Variants in CHRM1 observed in about 807,000 individuals in gnomAD.
CHRM1 encodes the protein cholinergic receptor muscarinic 1.
Under a neutral mutation model 31.6 loss-of-function variants are expected in CHRM1, and 5 were observed. The ratio of observed to expected loss-of-function variants is 0.16; its 90% confidence interval spans 0.08 to 0.33. CHRM1 has a LOEUF of 0.33. CHRM1 is among the 10% of genes least tolerant of loss of function. The pLI is 1.00. For synonymous variants in CHRM1, 227 were observed against 249.7 expected (o/e 0.91, Z 0.86); for missense variants, 338 against 610.3 (o/e 0.55, Z 4.70).
At position 62,920,052 on chromosome 11, in the gene CHRM1, C is replaced by T. The variant is rs549440175; in HGVS notation, c.-79+1166G>A. On this transcript the variant is annotated intron_variant, in intron 1 of 1. Transcript: ENST00000306960. ...TCTTCTGCAGCCCATTTCACTATCT[C>T]CTTCCCTTTCATATCTCAGCCGCGA... Among the ~76,000 whole-genome samples, 3 of 152,350 alleles carry T rather than the reference C, an allele frequency of 2.0e-5. No individual in the cohort carries two copies. In the East Asian group the frequency reaches 5.8e-4, roughly 29 times the overall value.
At chr11:62,917,162 G>A (rs759544116) in intron 1 of CHRM1, among the ~76,000 whole-genome samples, 3 of 152,216 alleles carry the variant, frequency 2.0e-5, no homozygotes, top group Non-Finnish European at 4.4e-5. Context: ...CCTGTCCAAG[G>A]TTCCTGTGGG....
At chr11:62,917,025 G>A (rs2085904053) in intron 1 of CHRM1, 1 of 152,398 alleles carries the variant, frequency 6.6e-6, no homozygotes. Flanking sequence ...AGAAGCAGAG[G>A]TCCTCACCCC....
Position 62,910,432 on chromosome 11 carries a change from T to A in CHRM1, c.669A>T (p.Ala223=). 6.2e-7 allele frequency: 1 copy of A among 1,613,496 alleles called. No individual in the cohort carries two copies. Among genetic ancestry groups the A allele is most frequent in the South Asian group, 1.1e-5 (1 of 91,082 alleles). Residue 223 remains alanine, a synonymous_variant, in exon 2 of 2, where the codon GCA becomes GCT. Coordinates refer to ENST00000306960, the MANE Select transcript of CHRM1 (RefSeq NM_000738.3). This position sits in a 1 kb window ranked among gnomAD's most constrained non-coding sequence, Gnocchi z 8.7. ...CTGGCGTCTCGGAGCCCTGAAGGGCTGCCAGCTCCCGTGCTCGGTTCTCTG... is the reference window on the plus strand; with the variant it reads ...CTGGCGTCTCGGAGCCCTGAAGGGCAGCCAGCTCCCGTGCTCGGTTCTCTG... ...RETENRAREL[A]ALQGSETPGK...
chr11:62,918,461 C>T (rs1034538056), intron 1 of CHRM1: 1 of 152,256 alleles, frequency 6.6e-6, no homozygotes, highest in Non-Finnish European at 1.5e-5. Flanking sequence ...CCTCTTCTCC[C>T]TTGAGCTCCC....
In CHRM1 at chr11:62,910,489, C is replaced by T; in HGVS notation, c.612G>A (p.Met204Ile). 2 of 1,614,184 alleles carry T rather than the reference C, an allele frequency of 1.2e-6. No individual in the cohort carries two copies. The highest frequency in any genetic ancestry group is 1.7e-6 in the Non-Finnish European group (2 of 1,180,040). ...MAAFYLPVTV[M>I]CTLYWRIYRE... ...GGTAGATGCGCCAGTAGAGCGTGCACATGACTGTGACAGGGAGGTAGAAGG... is the reference window on the plus strand; with the variant it reads ...GGTAGATGCGCCAGTAGAGCGTGCATATGACTGTGACAGGGAGGTAGAAGG... Residue 204 changes from methionine to isoleucine, a missense_variant, in exon 2 of 2, where the codon ATG becomes ATA. This residue lies in a region of CHRM1 where 183 missense variants were observed against 223.4 expected (regional missense o/e 0.82). Transcript: ENST00000306960. The surrounding 1 kb of genome is among the most constrained non-coding windows in gnomAD (Gnocchi z 8.7).
intron 1 of CHRM1, among the ~76,000 whole-genome samples, chr11:62,914,035 G>A (rs1435331130): frequency 2.6e-5 from 4 of 151,488 alleles, no homozygotes; most frequent in African/African-American, 7.3e-5. Flanking sequence ...CTCCGCCTCC[G>A]GGTTCACACC....
Position 62,909,625 on chromosome 11 carries a change from G to T in CHRM1, c.*93C>A. The T allele has an allele frequency of 1.3e-6, 2 of 1,485,764 alleles. No homozygotes were observed. Among genetic ancestry groups the T allele is most frequent in the South Asian group, 1.3e-5 (1 of 77,904 alleles). 92.0% of individuals were successfully genotyped at this position (1,485,764 alleles called of 1,614,324 possible). ...GGTCCTGGGAAGCCAGGTGAGGCCT[G>T]AGCAGGGCCCTGGGGCTGAGGATGC... is the stretch of plus-strand genomic sequence containing the variant. On this transcript the variant is annotated 3_prime_UTR_variant, in exon 2 of 2. Transcript: ENST00000306960.
chr11:62,916,981 A>G (rs2085903913), intron 1 of CHRM1: 1 of 152,208 alleles, frequency 6.6e-6, no homozygotes, highest in Admixed American at 6.5e-5. Context: ...ACAAGAACAG[A>G]CCCATCAATG....
At chr11:62,916,659 A>G (rs1452655700) in intron 1 of CHRM1, among the ~76,000 whole-genome samples, 1 of 152,160 alleles carries the variant, frequency 6.6e-6, no homozygotes, top group Non-Finnish European at 1.5e-5. Flanking sequence ...TCCCTTAATC[A>G]CAGGACACCT....
At chr11:62,920,250 G>T (rs915733659) in intron 1 of CHRM1, among the ~76,000 whole-genome samples, 1 of 152,184 alleles carries the variant, frequency 6.6e-6, no homozygotes, top group Non-Finnish European at 1.5e-5. Context: ...GGAGCTGCAG[G>T]TGTGTTTTGT....
intron 1 of CHRM1, among the ~76,000 whole-genome samples, chr11:62,914,111 A>C (rs1340991953): frequency 6.6e-6 from 1 of 151,838 alleles, no homozygotes; most frequent in Admixed American, 6.6e-5. Flanking sequence ...CGCCCGGCTA[A>C]ATTTTTGTAT....
In CHRM1 at chr11:62,911,143, G is replaced by A; in HGVS notation, c.-43C>T. On this transcript the variant is annotated 5_prime_UTR_variant, in exon 2 of 2. Coordinates refer to ENST00000306960, the MANE Select transcript of CHRM1 (RefSeq NM_000738.3). ...GGGGTTGGAGAGCCCCTTCCTCCAGGCACGCTACAGGGCTTCCTCAGGGGA... is the reference window on the plus strand; with the variant it reads ...GGGGTTGGAGAGCCCCTTCCTCCAGACACGCTACAGGGCTTCCTCAGGGGA... The A allele has an allele frequency of 1.3e-6, 2 of 1,582,562 alleles. No homozygotes were observed. Among genetic ancestry groups the A allele is most frequent in the Non-Finnish European group, 1.7e-6 (2 of 1,159,936 alleles).
At position 62,910,292 on chromosome 11, in the gene CHRM1, T is replaced by G. The variant is rs2085862579; in HGVS notation, c.809A>C (p.Gln270Pro). The G allele has an allele frequency of 6.2e-7, 1 of 1,612,818 alleles. No homozygotes were observed. ...CRCCRAPRLL[Q>P]AYSWKEEEEE... is the part of the protein sequence containing the mutation. ...CTCTTCTTCCTTCCAGCTGTAGGCC[T>G]GCAGCAGCCTGGGGGCCCGGCAGCA... Residue 270 changes from glutamine to proline, a missense_variant, in exon 2 of 2, where the codon CAG (glutamine) becomes CCG (proline). Transcript: ENST00000306960. This position sits in a 1 kb window ranked among gnomAD's most constrained non-coding sequence, Gnocchi z 8.7.
intron 1 of CHRM1, among the ~76,000 whole-genome samples, chr11:62,918,841 G>C (rs1056171363): frequency 4.6e-5 from 7 of 152,170 alleles, no homozygotes; most frequent in African/African-American, 1.7e-4. Flanking sequence ...GAAATGGGGA[G>C]AGGGATTCCT....
chr11:62,912,723 G>A (rs1343198073), intron 1 of CHRM1, among the ~76,000 whole-genome samples: 3 of 152,340 alleles, frequency 2.0e-5, no homozygotes, highest in South Asian at 2.1e-4. Context: ...GGGGCTTGCT[G>A]CCATGTGATT....
chr11:62,912,010 A>G (rs2085873641), intron 1 of CHRM1, among the ~76,000 whole-genome samples: 1 of 152,076 alleles, frequency 6.6e-6, no homozygotes, highest in African/African-American at 2.4e-5. Flanking sequence ...TTGGGGCTGA[A>G]TTGAATTCTC....
intron 1 of CHRM1, among the ~76,000 whole-genome samples, chr11:62,912,639 T>G (rs2085877969): frequency 6.6e-6 from 1 of 152,214 alleles, no homozygotes; most frequent in African/African-American, 2.4e-5. Flanking sequence ...CTTAACAACC[T>G]GCTGGCTGGG....
intron 1 of CHRM1, among the ~76,000 whole-genome samples, chr11:62,916,192 G>C (rs1590651757): frequency 6.6e-6 from 1 of 152,116 alleles, no homozygotes; most frequent in Non-Finnish European, 1.5e-5. Flanking sequence ...CCCCAGGCAC[G>C]ACCCTACTCT....
chr11:62,914,681 A>C (rs2085891172), intron 1 of CHRM1, among the ~76,000 whole-genome samples: 1 of 152,212 alleles, frequency 6.6e-6, no homozygotes, highest in Non-Finnish European at 1.5e-5. Context: ...TGTCTAGTCC[A>C]AGGTCTCCTG....
Sources: allele counts gnomAD v4.1 joint callset (sites outside exome capture counted in the v4.1 genomes callset), GRCh38; gene constraint gnomAD v4.1.1; regional missense constraint gnomAD v4.1.1; non-coding constraint Gnocchi (gnomAD v3.1); transcripts MANE v1.5; gene names NCBI Gene and HGNC (gene_info 2026-07-23, HGNC 2026-07-21).